DCHS2: variants seen among roughly 807,000 people sequenced by gnomAD.
DCHS2 encodes the protein protocadherin-23.
In DCHS2, 142 loss-of-function variants were observed where a neutral mutation model predicts 182.4. That is an observed-to-expected ratio of 0.78 (90% CI 0.68 to 0.89). The LOEUF is 0.89. DCHS2 is among the 40% of genes least tolerant of loss of function. The pLI, the probability that DCHS2 is intolerant of heterozygous loss-of-function variation, is 0.00. For synonymous variants in DCHS2, 1,740 were observed against 1,663.3 expected, an observed-to-expected ratio of 1.05 and a Z score of -1.12; for missense variants, 4,319 against 4,198.6, an observed-to-expected ratio of 1.03 and a Z score of -0.79.
chr4:154,459,612 C>A (rs996641659), intron 1 of DCHS2, among the ~76,000 whole-genome samples: 5 of 152,074 alleles, frequency 3.3e-5, no homozygotes, highest in African/African-American at 7.2e-5. Context: ...CTCTCAGGCA[C>A]CCCTGCGAAG....
At chr4:154,279,136 T>C (rs775930786) in intron 13 of DCHS2, among the ~76,000 whole-genome samples, 2 of 152,134 alleles carry the variant, frequency 1.3e-5, no homozygotes, top group African/African-American at 2.4e-5. Flanking sequence ...GCAGAGTCTT[T>C]TGTATGTAAT....
intron 1 of DCHS2, among the ~76,000 whole-genome samples, chr4:154,379,493 T>C (rs187624230): frequency 2.0e-5 from 3 of 152,308 alleles, no homozygotes; most frequent in African/African-American, 7.2e-5. Flanking sequence ...TCCAAGTAGA[T>C]GTAGTGAAAC....
At chr4:154,322,689 T>A in intron 7 of DCHS2, 1 of 618,576 alleles carries the variant, frequency 1.6e-6, no homozygotes, top group Non-Finnish European at 2.5e-6. Context: ...TACAAAAAAG[T>A]GGACAAAATG....
intron 1 of DCHS2, among the ~76,000 whole-genome samples, chr4:154,400,553 G>T (rs925098379): frequency 6.6e-6 from 1 of 152,046 alleles, no homozygotes; most frequent in African/African-American, 2.4e-5. Context: ...AACTAGCCTC[G>T]GTATAGTGAC....
intron 1 of DCHS2, among the ~76,000 whole-genome samples, chr4:154,466,936 G>C (rs1298432905): frequency 6.6e-6 from 1 of 151,994 alleles, no homozygotes; most frequent in Non-Finnish European, 1.5e-5. Context: ...GGTCAACAAG[G>C]TTCCAAGAGA....
chr4:154,274,004 A>G (rs962423028), intron 13 of DCHS2, among the ~76,000 whole-genome samples: 2 of 152,146 alleles, frequency 1.3e-5, no homozygotes, highest in Admixed American at 6.6e-5. Context: ...AGGAGCTGAC[A>G]TGGTGTCAGA....
chr4:154,399,454 C>T (rs1309596783), intron 1 of DCHS2, among the ~76,000 whole-genome samples: 1 of 152,140 alleles, frequency 6.6e-6, no homozygotes, highest in Non-Finnish European at 1.5e-5. Context: ...ACTGGTGACC[C>T]CAACAACGAT....
chr4:154,463,163 G>GTATA (rs939192348), intron 1 of DCHS2, among the ~76,000 whole-genome samples: 6 of 77,720 alleles, frequency 7.7e-5, no homozygotes, highest in Non-Finnish European at 1.5e-4. Flanking sequence ...ATAAGTGTGT[G>GTATA]TATATATATA....
At chr4:154,401,077 C>T (rs886222671) in intron 1 of DCHS2, among the ~76,000 whole-genome samples, 10 of 152,192 alleles carry the variant, frequency 6.6e-5, no homozygotes, top group African/African-American at 2.4e-4. Context: ...GTCACTCCCA[C>T]GCCCCTAAGC....
chr4:154,491,538 C>T lies in DCHS2; in HGVS notation c.-183G>A. The T allele has an allele frequency of 7.2e-7, 1 of 1,390,824 alleles. No homozygotes were observed. The highest frequency in any genetic ancestry group is 9.3e-7 in the Non-Finnish European group (1 of 1,079,114). The allele number at this position is 1,390,824 out of a possible 1,614,324, so 86.2% of individuals were successfully genotyped here. A position where few individuals can be genotyped will look rare whatever the true frequency, so the allele number is the denominator to read the frequency against. On this transcript the variant is annotated 5_prime_UTR_variant, in exon 1 of 20. Transcript: ENST00000357232. ...AACTGGTGAAAGCGTCCTCTGCCTGCAGCTCACGCAGACAGGGAAGTAAGC... is the reference window on the plus strand; with the variant it reads ...AACTGGTGAAAGCGTCCTCTGCCTGTAGCTCACGCAGACAGGGAAGTAAGC...
intron 7 of DCHS2, chr4:154,323,467 C>G (rs1328223356): frequency 8.0e-7 from 1 of 1,245,142 alleles, no homozygotes; most frequent in African/African-American, 1.5e-5. Context: ...ATAGCTGGGA[C>G]TACAGGCATG....
At chr4:154,474,706 A>C (rs1348557431) in intron 1 of DCHS2, among the ~76,000 whole-genome samples, 1 of 151,858 alleles carries the variant, frequency 6.6e-6, no homozygotes, top group Non-Finnish European at 1.5e-5. Flanking sequence ...TTACTAGTGG[A>C]GAATTTTGGA....
chr4:154,441,941 C>A (rs992345418), intron 1 of DCHS2, among the ~76,000 whole-genome samples: 6 of 152,106 alleles, frequency 3.9e-5, no homozygotes, highest in Non-Finnish European at 8.8e-5. Context: ...AAGAACTGAG[C>A]TTTGTTTTGC....
At chr4:154,240,245 G>A (rs902383112) in intron 18 of DCHS2, among the ~76,000 whole-genome samples, 1 of 151,282 alleles carries the variant, frequency 6.6e-6, no homozygotes, top group Non-Finnish European at 1.5e-5. Flanking sequence ...TCTTATCAGT[G>A]GTTTGCAAAT....
At chr4:154,341,468 G>T (rs1032481936) in intron 3 of DCHS2, among the ~76,000 whole-genome samples, 8 of 151,376 alleles carry the variant, frequency 5.3e-5, no homozygotes, top group Non-Finnish European at 7.4e-5. Context: ...TCAGTTTTCC[G>T]CTAGGTTTTA....
At chr4:154,295,332 C>A (rs977705644) in intron 13 of DCHS2, among the ~76,000 whole-genome samples, 7 of 152,312 alleles carry the variant, frequency 4.6e-5, no homozygotes, top group Non-Finnish European at 5.9e-5. Flanking sequence ...TTAGATAATG[C>A]TCATTCCAAT....
chr4:154,257,686 A>G (rs964408506), intron 15 of DCHS2, among the ~76,000 whole-genome samples: 2 of 152,238 alleles, frequency 1.3e-5, no homozygotes, highest in African/African-American at 4.8e-5. Context: ...GTCAAAAACC[A>G]GGAAGCAACC....
At chr4:154,478,259 A>C (rs1000198490) in intron 1 of DCHS2, among the ~76,000 whole-genome samples, 2 of 152,212 alleles carry the variant, frequency 1.3e-5, no homozygotes, top group Non-Finnish European at 2.9e-5. Context: ...AATCTCATTG[A>C]AAGTAATAGA....
intron 3 of DCHS2, among the ~76,000 whole-genome samples, chr4:154,351,434 G>A (rs2110729577): frequency 6.6e-6 from 1 of 152,148 alleles, no homozygotes; most frequent in East Asian, 1.9e-4. Context: ...ATTTAGAGTG[G>A]TATTATTACT....
Sources: gnomAD v4.1 joint callset for allele counts (sites outside exome capture counted in the v4.1 genomes callset) on GRCh38, gnomAD v4.1.1 for gene constraint, MANE v1.5 for transcripts, NCBI Gene and HGNC (gene_info 2026-07-23, HGNC 2026-07-21) for gene names.